LMBR1L: variants seen among roughly 807,000 people sequenced by gnomAD.
The protein encoded by LMBR1L is protein LMBR1L.
LMBR1L carries 47 observed loss-of-function variants against 67.3 expected under a neutral mutation model. That is an observed-to-expected ratio of 0.70 (90% CI 0.55 to 0.89). LMBR1L has a LOEUF of 0.89. LMBR1L is among the 40% of genes least tolerant of loss of function. LMBR1L has a pLI of 0.00. For missense variants in LMBR1L, 533 were observed against 599.2 expected (o/e 0.89, Z 1.15); for synonymous variants, 247 against 250.3 (o/e 0.99, Z 0.13).
At chr12:49,100,790 C>T (rs1441707113) in intron 13 of LMBR1L, 144 bp from the exon 14 acceptor site, 8 of 656,810 alleles carry the variant, frequency 1.2e-5, no homozygotes, top group South Asian at 4.0e-5. Context: ...TGCAGTGGTG[C>T]GATTTCAGCT....
intron 11 of LMBR1L, 40 bp downstream of exon 11, chr12:49,102,080 C>A (rs1325385523): frequency 6.4e-7 from 1 of 1,559,848 alleles, no homozygotes; most frequent in East Asian, 2.2e-5. Context: ...GCCTCAAGTA[C>A]TGAGGGTCCA....
rs776040235 is a variant in LMBR1L, at chr12:49,097,396, G to A, written c.*276C>T. 1.3e-4 allele frequency: 61 copies of A among 484,660 alleles called. No individual in the cohort carries two copies. Among genetic ancestry groups the A allele is most frequent in the Non-Finnish European group, 2.3e-4 (60 of 263,846 alleles). 30.0% of individuals were successfully genotyped at this position (484,660 alleles called of 1,614,324 possible). A position where few individuals can be genotyped will look rare whatever the true frequency, so the allele number is the denominator to read the frequency against. ...TATGGGGATGGCCCAGAACAGCAGT[G>A]AGGCAGATTGATGTGTAAACAGATT... On this transcript the variant is annotated 3_prime_UTR_variant, in exon 17 of 17. Transcript: ENST00000267102.
chr12:49,105,693 C>T (rs544386764), intron 3 of LMBR1L, among the ~76,000 whole-genome samples: 2 of 152,308 alleles, frequency 1.3e-5, no homozygotes, highest in South Asian at 4.1e-4. Context: ...CCCCAGCGGA[C>T]GTTCCTGGCC....
rs190014922 is a variant in LMBR1L at position 49,110,465 on chromosome 12, G to C, written c.72+19C>G. On this transcript the variant is annotated intron_variant, in intron 1 of 16. Coordinates refer to ENST00000267102, the MANE Select transcript of LMBR1L (RefSeq NM_018113.4). ...TCTCCCGCAACCCCCGCTTCTCCTC[G>C]CCGGGGCCCCGCACTCACAATACAC... The C allele has an allele frequency of 6.0e-4, 965 of 1,612,466 alleles. No individual in the cohort carries two copies. Among genetic ancestry groups the C allele is most frequent in the Non-Finnish European group, 7.3e-4 (857 of 1,178,862 alleles).
At chr12:49,104,623 A>C (rs1185027694) in intron 4 of LMBR1L, 72 bp from the exon 5 acceptor site, 1 of 1,563,560 alleles carries the variant, frequency 6.4e-7, no homozygotes, top group African/African-American at 1.4e-5. Context: ...GACCATTTGC[A>C]GGAGAAGCAG....
At position 49,101,538 on chromosome 12, in the gene LMBR1L, C is replaced by A. The variant is rs35541634; in HGVS notation, c.942G>T (p.Val314=). ...CCAGGATGTGGATGGCCACAATGAG[C>A]ACAGACAGGCCCTGTGTGAGGCAAG... is the stretch of plus-strand genomic sequence containing the variant. ...LCLLVLTGLS[V]LIVAIHILEL... The change falls in exon 12 of 17, where the codon GTG becomes GTT. Residue 314 remains valine, a synonymous_variant. Transcript: ENST00000267102. 0.052 allele frequency: 83,444 copies of A among 1,612,614 alleles called. 2,585 individuals are homozygous for A. The highest frequency in any genetic ancestry group is 0.061 in the Non-Finnish European group (71,730 of 1,178,998).
chr12:49,097,596 T>G lies in LMBR1L; in HGVS notation c.*76A>C. The G allele has an allele frequency of 6.9e-7, 1 of 1,449,926 alleles. No homozygotes were observed. The highest frequency in any genetic ancestry group is 9.6e-7 in the Non-Finnish European group (1 of 1,037,996). The allele number at this position is 1,449,926 out of a possible 1,614,324, so 89.8% of individuals were successfully genotyped here. A position where few individuals can be genotyped will look rare whatever the true frequency, so the allele number is the denominator to read the frequency against. On this transcript the variant is annotated 3_prime_UTR_variant, in exon 17 of 17. Coordinates refer to ENST00000267102, the MANE Select transcript of LMBR1L (RefSeq NM_018113.4). ...CAGATTCCAGGTCCTGAGGTCCAAG[T>G]AGCCTTGGGCTTCCCTCCAGGCCTA...
intron 1 of LMBR1L, chr12:49,109,752 T>G (rs1565603788): frequency 4.4e-6 from 2 of 456,456 alleles, no homozygotes; most frequent in Non-Finnish European, 8.8e-6. Context: ...TCCACTTCTG[T>G]GCGCAAGGTT....
Position 49,104,873 on chromosome 12 carries a change from G to T in LMBR1L, c.204C>A (p.Cys68Ter). ...ATVNKIALEL[C>*]TFTLAIALGA... is the part of the protein sequence containing the mutation. The stretch of plus-strand genomic sequence containing the variant: ...CCAGGGCAATTGCCAGGGTAAAGGT[G>T]CACAGCTCGAGCCTGGGCAGAGAAG... Residue 68 changes from cysteine to a stop codon, truncating the protein, a stop_gained, in exon 4 of 17, where the codon TGC becomes TGA. Transcript: ENST00000267102. LOFTEE classifies it high-confidence loss of function. The T allele has an allele frequency of 6.2e-7, 1 of 1,612,046 alleles. No homozygotes were observed. The highest frequency in any genetic ancestry group is 8.5e-7 in the Non-Finnish European group (1 of 1,179,276).
At position 49,102,546 on chromosome 12, in the gene LMBR1L, G is replaced by A. The variant is rs769945633; in HGVS notation, c.697-6C>T. 1 of 1,613,838 alleles carries A rather than the reference G, an allele frequency of 6.2e-7. No homozygotes were observed. Among genetic ancestry groups the A allele is most frequent in the South Asian group, 1.1e-5 (1 of 91,066 alleles). On this transcript the variant is annotated splice_region_variant and splice_polypyrimidine_tract_variant and intron_variant, in intron 8 of 16. Coordinates refer to ENST00000267102, the MANE Select transcript of LMBR1L (RefSeq NM_018113.4). ...TCCTCCAGGTCTTCCAGCAGCTAGG[G>A]GCAGGGGAAAGGAAGAGACTAACTG... is the stretch of plus-strand genomic sequence containing the variant.
Position 49,097,322 on chromosome 12 carries a change from T to C in LMBR1L, c.*350A>G. ...CCGAGCCTGCCCTGGCCCAGTCCTT[T>C]CCCTGCCCCTACCCCACCCTATTGC... On this transcript the variant is annotated 3_prime_UTR_variant, in exon 17 of 17. Transcript: ENST00000267102. 3.7e-6 allele frequency: 1 copy of C among 269,546 alleles called. No individual in the cohort carries two copies. Among genetic ancestry groups the C allele is most frequent in the East Asian group, 7.5e-5 (1 of 13,312 alleles). 16.7% of individuals were successfully genotyped at this position (269,546 alleles called of 1,614,324 possible).
Position 49,100,546 on chromosome 12 carries a change from T to C in LMBR1L, c.1173+10A>G. On this transcript the variant is annotated intron_variant, in intron 14 of 16. Transcript: ENST00000267102. ...CCCCCCGGGAGCTTCCCTTACTCCCTCCCAGCTACCTGCGTCATGGCAGTG... is the reference window on the plus strand; with the variant it reads ...CCCCCCGGGAGCTTCCCTTACTCCCCCCCAGCTACCTGCGTCATGGCAGTG... 1 of 1,613,736 alleles carries C rather than the reference T, an allele frequency of 6.2e-7. No individual in the cohort carries two copies. The highest frequency in any genetic ancestry group is 8.5e-7 in the Non-Finnish European group (1 of 1,179,712).
intron 16 of LMBR1L, 42 bp from the exon 17 acceptor site, chr12:49,097,781 C>T: frequency 6.2e-7 from 1 of 1,612,910 alleles, no homozygotes; most frequent in Non-Finnish European, 8.5e-7. Context: ...AGTCAAAGGT[C>T]CAGTCCGTTA....
intron 1 of LMBR1L, among the ~76,000 whole-genome samples, chr12:49,109,109 C>T (rs1372768447): frequency 6.6e-6 from 1 of 152,178 alleles, no homozygotes; most frequent in Non-Finnish European, 1.5e-5. Context: ...CTAGGCTGCT[C>T]TCTAGCCTCT....
chr12:49,101,373 C>T (rs570749354), intron 12 of LMBR1L, 50 bp from the exon 13 acceptor site: 3 of 1,606,422 alleles, frequency 1.9e-6, no homozygotes, highest in Admixed American at 3.3e-5. Flanking sequence ...ATCAGCACTA[C>T]CCGGCACCCA....
At chr12:49,104,425 C>T in intron 5 of LMBR1L, 23 bp downstream of exon 5, 1 of 1,493,882 alleles carries the variant, frequency 6.7e-7, no homozygotes, top group Non-Finnish European at 9.3e-7. Flanking sequence ...CGTTTCCTGC[C>T]TGGATACATA....
chr12:49,107,838 G>C (rs1176655516), intron 1 of LMBR1L, among the ~76,000 whole-genome samples: 1 of 152,216 alleles, frequency 6.6e-6, no homozygotes, highest in Non-Finnish European at 1.5e-5. Flanking sequence ...ATCAAGAACA[G>C]AGAGTCTCCG....
At position 49,102,791 on chromosome 12, in the gene LMBR1L, T is replaced by C. The variant is rs1005067471; in HGVS notation, c.696+96A>G. On this transcript the variant is annotated intron_variant, in intron 8 of 16. Coordinates refer to ENST00000267102, the MANE Select transcript of LMBR1L (RefSeq NM_018113.4). ...AACAAAGGCTGTAGCTCTCTGCAAG[T>C]TGTGTACTACACAACCATAGGGTTG... is the stretch of plus-strand genomic sequence containing the variant. The C allele has an allele frequency of 5.2e-5, 61 of 1,166,510 alleles. No individual in the cohort carries two copies. The African/African-American group carries it at 7.1e-4, about 14-fold the overall frequency. The allele number at this position is 1,166,510 out of a possible 1,614,324, so 72.3% of individuals were successfully genotyped here. A position where few individuals can be genotyped will look rare whatever the true frequency, so the allele number is the denominator to read the frequency against.
In LMBR1L at chr12:49,102,462, A is replaced by G. The variant is rs1349364167; in HGVS notation, c.769+6T>C. ...ACCACCCCAGCAGGGAAGAACTGCA[A>G]CTTACTACAGATCCTGCGGGTCAGG... is the stretch of plus-strand genomic sequence containing the variant. On this transcript the variant is annotated splice_donor_region_variant and intron_variant, in intron 9 of 16. Coordinates refer to ENST00000267102, the MANE Select transcript of LMBR1L (RefSeq NM_018113.4). The G allele has an allele frequency of 6.2e-7, 1 of 1,614,208 alleles. No homozygotes were observed. Among genetic ancestry groups the G allele is most frequent in the East Asian group, 2.2e-5 (1 of 44,896 alleles).
Sources: gnomAD v4.1 joint callset for allele counts (sites outside exome capture counted in the v4.1 genomes callset) on GRCh38, gnomAD v4.1.1 for gene constraint, MANE v1.5 for transcripts, NCBI Gene and HGNC (gene_info 2026-07-23, HGNC 2026-07-21) for gene names.